NCKAP5: variants seen among roughly 807,000 people sequenced by gnomAD.
The protein encoded by NCKAP5 is nck-associated protein 5.
NCKAP5 carries 92 observed loss-of-function variants against 167.0 expected under a neutral mutation model. The observed-to-expected ratio is 0.55, with a 90% CI of 0.47 to 0.66. The LOEUF is 0.66. Among genes scored for constraint, NCKAP5 ranks in the 30% least tolerant of loss-of-function variants. NCKAP5 has a pLI of 0.00. For missense variants in NCKAP5, 2,378 were observed against 2,315.0 expected (o/e 1.03, Z -0.56); for synonymous variants, 891 against 877.4 (o/e 1.02, Z -0.27).
At chr2:133,267,447 A>G (rs2089297256) in intron 4 of NCKAP5, 1 of 152,198 alleles carries the variant, frequency 6.6e-6, no homozygotes, top group Admixed American at 6.5e-5. Flanking sequence ...ACTAACAGCC[A>G]TTTGTCTGGA....
At chr2:132,874,877 G>A (rs1026402373) in intron 9 of NCKAP5, among the ~76,000 whole-genome samples, 1 of 150,602 alleles carries the variant, frequency 6.6e-6, no homozygotes, top group Non-Finnish European at 1.5e-5. Context: ...AACACACCTT[G>A]AGAAACACTG....
At chr2:133,077,303 G>A (rs1441871722) in intron 6 of NCKAP5, among the ~76,000 whole-genome samples, 7 of 152,222 alleles carry the variant, frequency 4.6e-5, no homozygotes, top group African/African-American at 1.7e-4. Flanking sequence ...ATATGTTTGA[G>A]CTAAGTCCAA....
chr2:132,891,635 G>A (rs1018594019), intron 8 of NCKAP5, among the ~76,000 whole-genome samples: 2 of 152,152 alleles, frequency 1.3e-5, no homozygotes, highest in Non-Finnish European at 2.9e-5. Context: ...GAGTAGAACA[G>A]AAAAAAACTG....
intron 5 of NCKAP5, among the ~76,000 whole-genome samples, chr2:133,210,219 G>A (rs377451796): frequency 3.0e-4 from 22 of 73,740 alleles, no homozygotes; most frequent in African/African-American, 1.5e-3. Flanking sequence ...GTAATGTAAT[G>A]TAAAATAAAT....
intron 6 of NCKAP5, among the ~76,000 whole-genome samples, chr2:133,088,405 C>G (rs994063878): frequency 6.6e-6 from 1 of 152,170 alleles, no homozygotes; most frequent in Admixed American, 6.5e-5. Flanking sequence ...CACCAAACCT[C>G]TCACCCCTCT....
intron 6 of NCKAP5, among the ~76,000 whole-genome samples, chr2:133,019,254 T>C (rs2078445186): frequency 6.6e-6 from 1 of 152,198 alleles, no homozygotes; most frequent in Admixed American, 6.5e-5. Context: ...GCTCTTTTTT[T>C]GTTATTATCA....
intron 3 of NCKAP5, among the ~76,000 whole-genome samples, chr2:133,474,435 G>A (rs1034708946): frequency 6.6e-6 from 1 of 152,264 alleles, no homozygotes; most frequent in East Asian, 1.9e-4. Flanking sequence ...TTAGTCGAAG[G>A]ACATAGAATT....
chr2:133,573,422 G>A (rs1688937809), upstream of NCKAP5, among the ~76,000 whole-genome samples: 2 of 152,174 alleles, frequency 1.3e-5, no homozygotes, highest in Non-Finnish European at 2.9e-5. Flanking sequence ...CGAGGGGGCT[G>A]ATACAGCCTA....
intron 16 of NCKAP5, among the ~76,000 whole-genome samples, chr2:132,745,033 G>C (rs1679520919): frequency 6.6e-6 from 1 of 151,606 alleles, no homozygotes; most frequent in African/African-American, 2.4e-5. Flanking sequence ...GAATTTATAA[G>C]GATGAAAAAA....
At chr2:133,459,358 T>G (rs890652270) in intron 3 of NCKAP5, among the ~76,000 whole-genome samples, 7 of 152,104 alleles carry the variant, frequency 4.6e-5, no homozygotes, top group Non-Finnish European at 1.5e-5. Context: ...GAGGTGAGCT[T>G]CAGCAAAGCC....
At chr2:132,815,632 C>T (rs1337521618) in intron 11 of NCKAP5, among the ~76,000 whole-genome samples, 6 of 152,084 alleles carry the variant, frequency 3.9e-5, no homozygotes, top group Non-Finnish European at 7.3e-5. Context: ...AAATAAGATG[C>T]CCTTTAACTT....
chr2:133,371,689 T>A (rs1249845433), intron 3 of NCKAP5, among the ~76,000 whole-genome samples: 1 of 152,244 alleles, frequency 6.6e-6, no homozygotes, highest in African/African-American at 2.4e-5. Flanking sequence ...AAATAATATA[T>A]GTTCTCACTA....
chr2:133,078,218 A>G (rs2080677813), intron 6 of NCKAP5, among the ~76,000 whole-genome samples: 2 of 152,192 alleles, frequency 1.3e-5, no homozygotes, highest in Non-Finnish European at 2.9e-5. Flanking sequence ...GTGCTTCCCA[A>G]CATTTCAAGT....
At chr2:132,710,188 A>C (rs367660454) in intron 19 of NCKAP5, among the ~76,000 whole-genome samples, 1 of 152,188 alleles carries the variant, frequency 6.6e-6, no homozygotes, top group African/African-American at 2.4e-5. Context: ...ATTCTAAAAA[A>C]ACCCTTCTTA....
At position 132,722,814 on chromosome 2, in the gene NCKAP5, G is replaced by T. The variant is rs565692187; in HGVS notation, c.5713+2813C>A. On this transcript the variant is annotated intron_variant, in intron 19 of 19. Coordinates refer to ENST00000409261, the MANE Select transcript of NCKAP5 (RefSeq NM_207363.3). ...ACCAGTGAATTGTATTATGTTTTTT[G>T]TTGTTGTTGTTTTTGTTTTGAGACG... is the stretch of plus-strand genomic sequence containing the variant. 3.1e-4 allele frequency among the ~76,000 whole-genome samples: 38 copies of T among 121,968 alleles called. No homozygotes were observed. In the South Asian group the frequency reaches 7.9e-3, roughly 25 times the overall value. The allele number at this position is 121,968 out of a possible 152,430, so 80.0% of individuals were successfully genotyped here.
chr2:133,126,022 T>C (rs2082393835), intron 6 of NCKAP5, among the ~76,000 whole-genome samples: 1 of 152,202 alleles, frequency 6.6e-6, no homozygotes, highest in Non-Finnish European at 1.5e-5. Flanking sequence ...TACTCATTAA[T>C]AGAGACAATC....
At chr2:133,568,682 G>C (rs1022247370), upstream of NCKAP5, among the ~76,000 whole-genome samples, 1 of 152,100 alleles carries the variant, frequency 6.6e-6, no homozygotes, top group Non-Finnish European at 1.5e-5. Flanking sequence ...CTTCTTTCAG[G>C]TCTGAAAAAG....
intron 6 of NCKAP5, among the ~76,000 whole-genome samples, chr2:133,045,200 G>A (rs903455108): frequency 5.3e-5 from 8 of 152,000 alleles, no homozygotes; most frequent in Non-Finnish European, 1.0e-4. Flanking sequence ...ATGGAACAAT[G>A]CACAGCACAG....
chr2:133,540,282 A>T (rs1285583891), intron 2 of NCKAP5, among the ~76,000 whole-genome samples: 8 of 152,220 alleles, frequency 5.3e-5, no homozygotes, highest in Admixed American at 3.3e-4. Context: ...CATATGAGAG[A>T]TGTTTTTTAA....
Sources: gnomAD v4.1 joint callset for allele counts (sites outside exome capture counted in the v4.1 genomes callset) on GRCh38, gnomAD v4.1.1 for gene constraint, MANE v1.5 for transcripts, NCBI Gene and HGNC (gene_info 2026-07-23, HGNC 2026-07-21) for gene names.